Variants in SLC35F1 observed in about 807,000 individuals in gnomAD.
SLC35F1 encodes solute carrier family 35 member F1, also known as chromosome 6 open reading frame 169.
Under a neutral mutation model 48.7 loss-of-function variants are expected in SLC35F1, and 14 were observed. That is an observed-to-expected ratio of 0.29 (90% CI 0.19 to 0.45). The LOEUF (loss-of-function observed/expected upper bound fraction) is 0.45. SLC35F1 is among the 20% of genes least tolerant of loss of function. SLC35F1 has a pLI of 1.00. For missense variants in SLC35F1, 404 were observed against 500.0 expected (o/e 0.81, Z 1.83); for synonymous variants, 190 against 202.2 (o/e 0.94, Z 0.51).
At chr6:118,223,059 A>G (rs1287546240) in intron 2 of SLC35F1, among the ~76,000 whole-genome samples, 1 of 152,226 alleles carries the variant, frequency 6.6e-6, no homozygotes, top group Non-Finnish European at 1.5e-5. Flanking sequence ...ACACAAGTAC[A>G]TGCTTTAATA....
intron 1 of SLC35F1, among the ~76,000 whole-genome samples, chr6:117,986,053 A>T (rs541677483): frequency 6.6e-6 from 1 of 152,336 alleles, no homozygotes; most frequent in East Asian, 1.9e-4. Flanking sequence ...GTCAGGCCAG[A>T]TGGTCTCTTG....
At chr6:118,107,895 A>G (rs1452302352) in intron 1 of SLC35F1, among the ~76,000 whole-genome samples, 2 of 152,098 alleles carry the variant, frequency 1.3e-5, no homozygotes, top group Non-Finnish European at 2.9e-5. Flanking sequence ...ATTAGAAGGA[A>G]TTGTAGCTTG....
intron 5 of SLC35F1, among the ~76,000 whole-genome samples, 188 bp downstream of exon 5, chr6:118,275,803 A>G (rs2114631021): frequency 6.6e-6 from 1 of 152,358 alleles, no homozygotes; most frequent in African/African-American, 2.4e-5. Flanking sequence ...CAAGTTTAAT[A>G]TAAATTTTTA....
chr6:118,038,504 T>C (rs1178802348), intron 1 of SLC35F1, among the ~76,000 whole-genome samples: 1 of 151,588 alleles, frequency 6.6e-6, no homozygotes, highest in East Asian at 1.9e-4. Context: ...AAATCTCCAA[T>C]CAAAGAACAT....
At chr6:118,129,635 T>A (rs764126134) in intron 1 of SLC35F1, among the ~76,000 whole-genome samples, 2 of 151,990 alleles carry the variant, frequency 1.3e-5, no homozygotes, top group African/African-American at 4.8e-5. Flanking sequence ...AGGGATGTTA[T>A]GGAAATTGAA....
At chr6:118,289,779 C>T (rs1283686337) in intron 7 of SLC35F1, among the ~76,000 whole-genome samples, 1 of 152,086 alleles carries the variant, frequency 6.6e-6, no homozygotes, top group Non-Finnish European at 1.5e-5. Context: ...AAAGCGAGAT[C>T]CTGATTAATT....
chr6:118,202,018 G>A (rs1264324655), intron 2 of SLC35F1, among the ~76,000 whole-genome samples: 1 of 152,072 alleles, frequency 6.6e-6, no homozygotes, highest in Non-Finnish European at 1.5e-5. Context: ...ATCAGTTGAT[G>A]GTCATTTGGG....
chr6:118,121,799 A>G (rs755331771), intron 1 of SLC35F1, among the ~76,000 whole-genome samples: 1 of 152,140 alleles, frequency 6.6e-6, no homozygotes, highest in Non-Finnish European at 1.5e-5. Context: ...TTAACTACAC[A>G]CTGTGAGAGA....
chr6:118,311,396 A>G (rs888632509), intron 7 of SLC35F1, among the ~76,000 whole-genome samples: 1 of 152,242 alleles, frequency 6.6e-6, no homozygotes, highest in Non-Finnish European at 1.5e-5. Flanking sequence ...GATAAAAAAA[A>G]AATAGCAGAT....
intron 1 of SLC35F1, among the ~76,000 whole-genome samples, chr6:117,929,850 C>T (rs560660147): frequency 2.0e-5 from 3 of 152,210 alleles, no homozygotes; most frequent in African/African-American, 4.8e-5. Context: ...ACACATAAAA[C>T]GAATCATCAC....
intron 7 of SLC35F1, among the ~76,000 whole-genome samples, chr6:118,303,760 A>G (rs1367913561): frequency 6.6e-6 from 1 of 152,234 alleles, no homozygotes; most frequent in East Asian, 1.9e-4. Flanking sequence ...AGAATAAGAG[A>G]GAGCAAGCTC....
intron 1 of SLC35F1, among the ~76,000 whole-genome samples, chr6:117,926,861 G>A (rs779506043): frequency 6.6e-6 from 1 of 152,134 alleles, no homozygotes; most frequent in Non-Finnish European, 1.5e-5. Context: ...ATTTGAGTAG[G>A]GGAGCCCAGG....
intron 1 of SLC35F1, among the ~76,000 whole-genome samples, chr6:118,042,680 C>G (rs1192731163): frequency 6.6e-6 from 1 of 152,108 alleles, no homozygotes; most frequent in Non-Finnish European, 1.5e-5. Flanking sequence ...GATGAGGGAT[C>G]ATGTTGGTCT....
At chr6:118,050,476 G>A (rs1310389976) in intron 1 of SLC35F1, among the ~76,000 whole-genome samples, 3 of 151,978 alleles carry the variant, frequency 2.0e-5, no homozygotes. Context: ...GCCTAAAAGA[G>A]GAGTGGCTAA....
chr6:118,272,949 G>T (rs1775875440), intron 4 of SLC35F1, among the ~76,000 whole-genome samples: 1 of 148,588 alleles, frequency 6.7e-6, no homozygotes, highest in Non-Finnish European at 1.5e-5. Context: ...ATAAAATTAT[G>T]TTCTGGTTAA....
At chr6:118,030,023 A>G (rs2114892014) in intron 1 of SLC35F1, among the ~76,000 whole-genome samples, 1 of 152,302 alleles carries the variant, frequency 6.6e-6, no homozygotes, top group South Asian at 2.1e-4. Context: ...GATAAAAGTA[A>G]AGTAGGGAAA....
chr6:117,969,620 T>C (rs1285009364), intron 1 of SLC35F1, among the ~76,000 whole-genome samples: 1 of 152,054 alleles, frequency 6.6e-6, no homozygotes, highest in Admixed American at 6.6e-5. Context: ...GAGGGTGAGG[T>C]GAAAGTATCA....
intron 1 of SLC35F1, among the ~76,000 whole-genome samples, chr6:117,992,738 G>A (rs1239962517): frequency 1.3e-5 from 2 of 152,214 alleles, no homozygotes. Context: ...TAGAGTGAAA[G>A]TTTTTTAAAG....
intron 3 of SLC35F1, among the ~76,000 whole-genome samples, chr6:118,242,677 A>G (rs1775456342): frequency 6.6e-6 from 1 of 152,258 alleles, no homozygotes; most frequent in Admixed American, 6.5e-5. Context: ...GAACCATTAC[A>G]GTAGAAATAC....
Sources: gnomAD v4.1 joint callset for allele counts (sites outside exome capture counted in the v4.1 genomes callset) on GRCh38, gnomAD v4.1.1 for gene constraint, MANE v1.5 for transcripts, NCBI Gene and HGNC (gene_info 2026-07-23, HGNC 2026-07-21) for gene names.